KCNK17: variants seen among roughly 807,000 people sequenced by gnomAD.
KCNK17 encodes potassium channel subfamily K member 17.
KCNK17 carries 27 observed loss-of-function variants against 24.6 expected under a neutral mutation model. That is an observed-to-expected ratio of 1.10 (90% confidence interval 0.81 to 1.51). The LOEUF (loss-of-function observed/expected upper bound fraction) is 1.51. Among genes scored for constraint, KCNK17 ranks in the 40% most tolerant of loss-of-function variants. The pLI is 0.00. For missense variants in KCNK17, 450 were observed against 436.6 expected (o/e 1.03, Z -0.27); for synonymous variants, 181 against 189.8 (o/e 0.95, Z 0.38).
rs1460731729 is a variant in KCNK17 at position 39,305,624 on chromosome 6, C to T, written c.353-969G>A. On this transcript the variant is annotated intron_variant, in intron 2 of 4. Transcript: ENST00000373231. The stretch of plus-strand genomic sequence containing the variant: ...CTCTGCCTCCACCCTTCTTGATCAC[C>T]ACCACTGTCTTGTCTTATTAAAATG... Among the ~76,000 whole-genome samples the T allele has an allele frequency of 3.3e-5, 5 of 152,200 alleles. No homozygotes were observed. The East Asian group carries it at 9.6e-4, about 29-fold the overall frequency.
chr6:39,313,937 GT>G, intron 1 of KCNK17, 146 bp downstream of exon 1: 1 of 604,992 alleles, frequency 1.7e-6, no homozygotes, highest in Admixed American at 3.5e-5. Context: ...GCCCACCCCC[GT>G]TGTGCCCGCG....
rs35104496 is a variant in KCNK17, at chr6:39,306,045, C to CTT, written c.353-1392_353-1391dup. Among the ~76,000 whole-genome samples the CTT allele has an allele frequency of 5.8e-3, 810 of 139,542 alleles. 9 individuals are homozygous for CTT. The highest frequency in any genetic ancestry group is 0.018 in the African/African-American group (693 of 38,116). The allele number at this position is 139,542 out of a possible 152,430, so 91.5% of individuals were successfully genotyped here. On this transcript the variant is annotated intron_variant, in intron 2 of 4. Coordinates refer to ENST00000373231, the MANE Select transcript of KCNK17 (RefSeq NM_031460.4). The stretch of plus-strand genomic sequence containing the variant: ...AGCCCCTCAAGAGCAGGGACTGGGT[C>CTT]TTTTTTTTTTTTTTTTGAGACGTAG...
At chr6:39,306,310 C>T (rs185987992) in intron 2 of KCNK17, among the ~76,000 whole-genome samples, 325 of 152,330 alleles carry the variant, frequency 2.1e-3, no homozygotes, top group African/African-American at 6.7e-3. Flanking sequence ...TACCAAAGTG[C>T]TGGGATTACA....
intron 2 of KCNK17, among the ~76,000 whole-genome samples, chr6:39,305,627 CACT>C (rs1451302674): frequency 6.6e-6 from 1 of 152,214 alleles, no homozygotes; most frequent in Non-Finnish European, 1.5e-5. Flanking sequence ...TGATCACCAC[CACT>C]GTCTTGTCTT....
At chr6:39,310,307 T>TC (rs1762110595) in intron 2 of KCNK17, among the ~76,000 whole-genome samples, 2 of 152,016 alleles carry the variant, frequency 1.3e-5, no homozygotes, top group Non-Finnish European at 2.9e-5. Flanking sequence ...AGTCCAGGTG[T>TC]CCCTGTGTGT....
At chr6:39,309,559 G>A (rs1762095666) in intron 2 of KCNK17, among the ~76,000 whole-genome samples, 1 of 152,116 alleles carries the variant, frequency 6.6e-6, no homozygotes, top group Non-Finnish European at 1.5e-5. Flanking sequence ...TCCAAGCTAG[G>A]GGTGGTAGAG....
intron 1 of KCNK17, 93 bp downstream of exon 1, chr6:39,313,991 G>C: frequency 2.1e-6 from 2 of 960,532 alleles, no homozygotes; most frequent in Non-Finnish European, 3.0e-6. Context: ...CACCTGACCA[G>C]GGCCTGAATA....
intron 4 of KCNK17, among the ~76,000 whole-genome samples, chr6:39,301,548 G>C (rs1430344447): frequency 6.6e-6 from 1 of 152,266 alleles, no homozygotes; most frequent in Non-Finnish European, 1.5e-5. Flanking sequence ...CACTGAGCCG[G>C]CTCTCTGGCC....
chr6:39,300,695 A>T (rs1455236883), intron 4 of KCNK17, among the ~76,000 whole-genome samples: 1 of 152,182 alleles, frequency 6.6e-6, no homozygotes, highest in Non-Finnish European at 1.5e-5. Context: ...CCGCTTCTGC[A>T]GCACACCTCT....
intron 4 of KCNK17, among the ~76,000 whole-genome samples, chr6:39,303,699 G>T (rs1044930060): frequency 2.6e-5 from 4 of 152,182 alleles, no homozygotes; most frequent in African/African-American, 9.6e-5. Flanking sequence ...GGGAGGCGGG[G>T]ACTCCCGTCA....
chr6:39,299,346 T>C lies in KCNK17; in HGVS notation c.*81A>G, dbSNP rs1033754537. On this transcript the variant is annotated 3_prime_UTR_variant, in exon 5 of 5. Transcript: ENST00000373231. ...CCTCTAGGGTGGATGGAAAATGTAGTCTTTAGTTTGGGTGGACATGTGCAA... is the reference window on the plus strand; with the variant it reads ...CCTCTAGGGTGGATGGAAAATGTAGCCTTTAGTTTGGGTGGACATGTGCAA... The C allele has an allele frequency of 9.3e-7, 1 of 1,079,014 alleles. No individual in the cohort carries two copies. Among genetic ancestry groups the C allele is most frequent in the African/African-American group, 1.6e-5 (1 of 63,150 alleles). The allele number at this position is 1,079,014 out of a possible 1,614,324, so 66.8% of individuals were successfully genotyped here.
Position 39,300,177 on chromosome 6 carries a change from T to C in KCNK17, c.689-440A>G, listed in dbSNP as rs138414018. 2.4e-3 allele frequency among the ~76,000 whole-genome samples: 368 copies of C among 152,226 alleles called. 1 individual carries two copies. The highest frequency in any genetic ancestry group is 8.3e-3 in the African/African-American group (346 of 41,528). Reference sequence around the variant, plus strand: ...TCACTCTGTTGCCCAGGCTGGAGTTTAGTGGCGTGATCTCGGCTCACTGCA... The same window carrying C: ...TCACTCTGTTGCCCAGGCTGGAGTTCAGTGGCGTGATCTCGGCTCACTGCA... On this transcript the variant is annotated intron_variant, in intron 4 of 4. Coordinates refer to ENST00000373231, the MANE Select transcript of KCNK17 (RefSeq NM_031460.4).
chr6:39,309,802 G>T (rs1431236468), intron 2 of KCNK17, among the ~76,000 whole-genome samples: 1 of 152,216 alleles, frequency 6.6e-6, no homozygotes, highest in Non-Finnish European at 1.5e-5. Context: ...GCTGCTGTAT[G>T]CTGGGCCTTG....
chr6:39,306,223 T>C (rs1176333601), intron 2 of KCNK17, among the ~76,000 whole-genome samples: 5 of 152,130 alleles, frequency 3.3e-5, no homozygotes, highest in Non-Finnish European at 7.4e-5. Context: ...TTTGTATTTT[T>C]AGTAGAGACG....
Position 39,299,179 on chromosome 6 carries a change from T to G in KCNK17, c.*248A>C. ...GCTGCCAGAGCTCCCAGCCATCATA[T>G]CGGCGGCATTGCAGCCCGCTAAAGT... On this transcript the variant is annotated 3_prime_UTR_variant, in exon 5 of 5. Transcript: ENST00000373231. The G allele has an allele frequency of 4.0e-6, 2 of 499,228 alleles. No homozygotes were observed. Among genetic ancestry groups the G allele is most frequent in the Non-Finnish European group, 7.1e-6 (2 of 280,380 alleles). The allele number at this position is 499,228 out of a possible 1,614,324, so 30.9% of individuals were successfully genotyped here.
Position 39,299,344 on chromosome 6 carries a change from A to G in KCNK17, c.*83T>C, listed in dbSNP as rs1456061305. ...AGCCTCTAGGGTGGATGGAAAATGT[A>G]GTCTTTAGTTTGGGTGGACATGTGC... On this transcript the variant is annotated 3_prime_UTR_variant, in exon 5 of 5. Transcript: ENST00000373231. The G allele has an allele frequency of 1.2e-5, 13 of 1,043,032 alleles. No homozygotes were observed. Among genetic ancestry groups the G allele is most frequent in the African/African-American group, 1.6e-5 (1 of 62,400 alleles). 64.6% of individuals were successfully genotyped at this position (1,043,032 alleles called of 1,614,324 possible).
In KCNK17 at chr6:39,314,239, C is replaced by T. The variant is rs1256576077; in HGVS notation, c.82G>A (p.Ala28Thr). 3.3e-6 allele frequency: 5 copies of T among 1,537,168 alleles called. No individual in the cohort carries two copies. The East Asian group carries it at 1.2e-4, about 38-fold the overall frequency. ...CCCAGCGCCAGGTAAGCCAGGTAGG[C>T]GAGCAGCAGGAGCACGGTGCTGGGC... ...AVPSTVLLLLAYLAYLALGTG... is the reference protein window; with the variant it reads ...AVPSTVLLLLTYLAYLALGTG... The change falls in exon 1 of 5, where the codon GCC (alanine) becomes ACC (threonine). Residue 28 changes from alanine (A) to threonine (T), a missense_variant. Transcript: ENST00000373231.
chr6:39,300,484 T>A, intron 4 of KCNK17: 2 of 1,551,024 alleles, frequency 1.3e-6, no homozygotes, highest in Non-Finnish European at 1.7e-6. Flanking sequence ...TGTTTGCCAG[T>A]CTCTGTTTGG....
At position 39,300,643 on chromosome 6, in the gene KCNK17, C is replaced by A. The variant is rs1761937718; in HGVS notation, c.689-906G>T. ...GAGATGGGGAATACGACTGCGCCCC[C>A]TTGGCTTTTAGGATGAAGTCCAAAT... On this transcript the variant is annotated intron_variant, in intron 4 of 4. Transcript: ENST00000373231. 2.8e-5 allele frequency: 29 copies of A among 1,042,492 alleles called. No individual in the cohort carries two copies. The South Asian group carries it at 4.0e-4, about 15-fold the overall frequency. The allele number at this position is 1,042,492 out of a possible 1,614,324, so 64.6% of individuals were successfully genotyped here. A position where few individuals can be genotyped will look rare whatever the true frequency, so the allele number is the denominator to read the frequency against.
Sources: allele counts gnomAD v4.1 joint callset (sites outside exome capture counted in the v4.1 genomes callset), GRCh38; gene constraint gnomAD v4.1.1; transcripts MANE v1.5; gene names NCBI Gene and HGNC (gene_info 2026-07-23, HGNC 2026-07-21).